KCNMB2: variants seen among roughly 807,000 people sequenced by gnomAD.
KCNMB2 encodes potassium calcium-activated channel subfamily M regulatory beta subunit 2.
A neutral mutation model predicts 24.5 loss-of-function variants in KCNMB2; 9 were observed. The observed-to-expected ratio is 0.37, with a 90% CI of 0.22 to 0.64. The LOEUF (loss-of-function observed/expected upper bound fraction) is 0.64. Ranked by LOEUF, KCNMB2 falls within the 30% of genes least tolerant of loss-of-function variation. The pLI, the probability that KCNMB2 is intolerant of heterozygous loss-of-function variation, is 0.63. For synonymous variants in KCNMB2, 109 were observed against 104.4 expected, an observed-to-expected ratio of 1.04 and a Z score of -0.27; for missense variants, 226 against 284.3, an observed-to-expected ratio of 0.79 and a Z score of 1.47.
intron 1 of KCNMB2, among the ~76,000 whole-genome samples, chr3:178,617,888 CTA>C (rs1491582410): frequency 4.7e-4 from 36 of 76,406 alleles, no homozygotes; most frequent in African/African-American, 2.4e-3. Context: ...AAGACTCTGT[CTA>C]AAAAAAAAAA....
At chr3:178,625,682 C>T (rs1171996495) in intron 1 of KCNMB2, among the ~76,000 whole-genome samples, 2 of 152,196 alleles carry the variant, frequency 1.3e-5, no homozygotes, top group African/African-American at 4.8e-5. Flanking sequence ...AGTTCAAATA[C>T]TAACCCTTCA....
chr3:178,658,531 A>T (rs1720420268), intron 1 of KCNMB2, among the ~76,000 whole-genome samples: 1 of 152,134 alleles, frequency 6.6e-6, no homozygotes, highest in Non-Finnish European at 1.5e-5. Flanking sequence ...CCCTGCACTG[A>T]TCCCTCTCTT....
intron 1 of KCNMB2, among the ~76,000 whole-genome samples, chr3:178,725,931 T>C (rs982045929): frequency 1.1e-4 from 16 of 151,948 alleles, no homozygotes; most frequent in African/African-American, 3.9e-4. Context: ...ATTTAGATCA[T>C]TTGCTTTTAA....
At chr3:178,669,541 T>C (rs902129235) in intron 1 of KCNMB2, among the ~76,000 whole-genome samples, 1 of 152,128 alleles carries the variant, frequency 6.6e-6, no homozygotes, top group Non-Finnish European at 1.5e-5. Context: ...CAAGTGTTGC[T>C]TGAAGCCTCA....
At position 178,828,925 on chromosome 3, in the gene KCNMB2, C is replaced by CTGTGTG. The variant is rs71181254; in HGVS notation, c.423+596_423+601dup. Among the ~76,000 whole-genome samples, 153 of 142,836 alleles carry CTGTGTG rather than the reference C, an allele frequency of 1.1e-3. 1 individual carries two copies. In the East Asian group the frequency reaches 0.02, roughly 18 times the overall value. The allele number at this position is 142,836 out of a possible 152,430, so 93.7% of individuals were successfully genotyped here. A position where few individuals can be genotyped will look rare whatever the true frequency, so the allele number is the denominator to read the frequency against. On this transcript the variant is annotated intron_variant, in intron 4 of 4. Coordinates refer to ENST00000452583, the MANE Select transcript of KCNMB2 (RefSeq NM_181361.3). The stretch of plus-strand genomic sequence containing the variant: ...GCATGCTACTTTCAACCCATGGTCA[C>CTGTGTG]TGTGTGTGTGTGTGTGTGTGTGTGT...
At chr3:178,689,856 A>C (rs933559631) in intron 1 of KCNMB2, among the ~76,000 whole-genome samples, 8 of 152,226 alleles carry the variant, frequency 5.3e-5, no homozygotes, top group African/African-American at 1.9e-4. Flanking sequence ...TCTCCACTGA[A>C]ACAATACAAT....
chr3:178,756,495 AAAT>A (rs2108394850), intron 1 of KCNMB2, among the ~76,000 whole-genome samples: 1 of 152,288 alleles, frequency 6.6e-6, no homozygotes, highest in South Asian at 2.1e-4. Context: ...ATATTTTCAC[AAAT>A]AATTATATGC....
chr3:178,690,186 A>G (rs924144446), intron 1 of KCNMB2, among the ~76,000 whole-genome samples: 19 of 152,344 alleles, frequency 1.2e-4, no homozygotes, highest in Middle Eastern at 3.4e-3. Flanking sequence ...TTATCATTGT[A>G]TGTATCAGAA....
chr3:178,714,115 C>T (rs1373555380), intron 1 of KCNMB2, among the ~76,000 whole-genome samples: 1 of 152,132 alleles, frequency 6.6e-6, no homozygotes, highest in Non-Finnish European at 1.5e-5. Flanking sequence ...CCCGGTTATA[C>T]TTGAGCTGCA....
intron 1 of KCNMB2, among the ~76,000 whole-genome samples, chr3:178,753,851 T>C (rs1279965590): frequency 6.6e-6 from 1 of 152,106 alleles, no homozygotes; most frequent in East Asian, 1.9e-4. Context: ...ACATTGTTAT[T>C]AACTATAATC....
At chr3:178,680,838 T>C (rs1025413724) in intron 1 of KCNMB2, among the ~76,000 whole-genome samples, 4 of 152,188 alleles carry the variant, frequency 2.6e-5, no homozygotes, top group Admixed American at 6.5e-5. Context: ...TAGTAGAATA[T>C]GACTCTTAGG....
chr3:178,698,081 G>A (rs959652786), intron 1 of KCNMB2, among the ~76,000 whole-genome samples: 1 of 151,906 alleles, frequency 6.6e-6, no homozygotes, highest in Admixed American at 6.6e-5. Context: ...TGTGTGTTGG[G>A]GATGATCTTG....
intron 1 of KCNMB2, among the ~76,000 whole-genome samples, chr3:178,624,400 C>T (rs1719031177): frequency 6.6e-6 from 1 of 151,974 alleles, no homozygotes; most frequent in Non-Finnish European, 1.5e-5. Context: ...GATGTCTATA[C>T]TAAATGGTTG....
intron 1 of KCNMB2, among the ~76,000 whole-genome samples, chr3:178,718,878 T>G (rs140144060): frequency 6.6e-6 from 1 of 152,158 alleles, no homozygotes. Context: ...TCTAAACTCA[T>G]AGTCCTGGAT....
rs1718684975 is a variant in KCNMB2 at position 178,615,822 on chromosome 3, T to C, written c.-68+79111T>C. ...GTCTCAGAGGCTTACCCAAGGGCCT[T>C]GATACAGTACCTGAGTATCATTGCT... On this transcript the variant is annotated intron_variant, in intron 1 of 4. Transcript: ENST00000452583. Among the ~76,000 whole-genome samples the C allele has an allele frequency of 2.6e-5, 4 of 152,316 alleles. No homozygotes were observed. The South Asian group carries it at 8.3e-4, about 32-fold the overall frequency.
chr3:178,585,388 T>G (rs1021705904), intron 1 of KCNMB2, among the ~76,000 whole-genome samples: 1 of 152,214 alleles, frequency 6.6e-6, no homozygotes, highest in South Asian at 2.1e-4. Context: ...GTTATTATAT[T>G]AACCATCCCT....
intron 1 of KCNMB2, among the ~76,000 whole-genome samples, chr3:178,773,653 G>C (rs1307204660): frequency 6.6e-6 from 1 of 152,006 alleles, no homozygotes; most frequent in Non-Finnish European, 1.5e-5. Context: ...ATTCTTTTTT[G>C]GGACTCCAGA....
rs1164903632 is a variant in KCNMB2 at position 178,660,251 on chromosome 3, C to T, written c.-68+123540C>T. 9.9e-5 allele frequency among the ~76,000 whole-genome samples: 15 copies of T among 152,244 alleles called. No individual in the cohort carries two copies. The East Asian group carries it at 1.2e-3, about 12-fold the overall frequency. ...TTGCAGAGGATATTAAATAAGAAAACGTATGCAAAATACCAATTACAGCAC... is the reference window on the plus strand; with the variant it reads ...TTGCAGAGGATATTAAATAAGAAAATGTATGCAAAATACCAATTACAGCAC... On this transcript the variant is annotated intron_variant, in intron 1 of 4. Transcript: ENST00000452583.
At chr3:178,683,705 A>C (rs141646008) in intron 1 of KCNMB2, among the ~76,000 whole-genome samples, 1 of 151,980 alleles carries the variant, frequency 6.6e-6, no homozygotes, top group African/African-American at 2.4e-5. Flanking sequence ...TTTAACCTTC[A>C]CTCATCAACT....
Sources: gnomAD v4.1 joint callset for allele counts (sites outside exome capture counted in the v4.1 genomes callset) on GRCh38, gnomAD v4.1.1 for gene constraint, MANE v1.5 for transcripts, NCBI Gene and HGNC (gene_info 2026-07-23, HGNC 2026-07-21) for gene names.